Variants in MORN5 observed in about 807,000 individuals in gnomAD.
MORN5 encodes the protein MORN repeat containing 5.
Under a neutral mutation model 22.1 loss-of-function variants are expected in MORN5, and 21 were observed. That is an observed-to-expected ratio of 0.95 (90% CI 0.67 to 1.37). The LOEUF is 1.37. MORN5 is among the 40% of genes most tolerant of loss of function. The probability of loss-of-function intolerance (pLI) is 0.00; values close to 1 mark genes in which losing one functional copy is unlikely to be tolerated. For synonymous variants in MORN5, 73 were observed against 74.0 expected, an observed-to-expected ratio of 0.99 and a Z score of 0.07; for missense variants, 211 against 215.1, an observed-to-expected ratio of 0.98 and a Z score of 0.12.
chr9:122,187,505 G>C (rs772362860), intron 4 of MORN5, among the ~76,000 whole-genome samples: 4 of 152,134 alleles, frequency 2.6e-5, no homozygotes, highest in Non-Finnish European at 4.4e-5. Context: ...ATCAGACCCA[G>C]GGCCTGGCCC....
chr9:122,161,541 A>G (rs561269290), intron 1 of MORN5, among the ~76,000 whole-genome samples: 29 of 152,334 alleles, frequency 1.9e-4, no homozygotes, highest in South Asian at 2.1e-4. Context: ...CTGGCCCACC[A>G]TTATGGATAC....
chr9:122,160,274 T>C (rs1018777199), intron 1 of MORN5, among the ~76,000 whole-genome samples: 4 of 152,232 alleles, frequency 2.6e-5, no homozygotes, highest in Non-Finnish European at 4.4e-5. Context: ...ATTTAAAATG[T>C]CAAGATCCTT....
chr9:122,169,855 G>A, intron 3 of MORN5, 99 bp downstream of exon 3: 1 of 881,046 alleles, frequency 1.1e-6, no homozygotes, highest in South Asian at 1.4e-5. Context: ...AACTTAAAGG[G>A]GAAGAGGAAC....
chr9:122,179,164 T>C (rs748875900), intron 4 of MORN5, among the ~76,000 whole-genome samples: 8 of 151,988 alleles, frequency 5.3e-5, no homozygotes, highest in Non-Finnish European at 1.2e-4. Flanking sequence ...GGAGAAGACA[T>C]GTCATAAATA....
intron 4 of MORN5, among the ~76,000 whole-genome samples, chr9:122,179,333 A>G (rs1204973146): frequency 6.6e-6 from 1 of 152,362 alleles, no homozygotes; most frequent in East Asian, 1.9e-4. Context: ...CAGGTAACAT[A>G]GTAACTCATT....
rs775362837 is a variant in MORN5 at position 122,169,712 on chromosome 9, A to G, written c.263A>G (p.Asp88Gly). Residue 88 changes from aspartate (D) to glycine (G), a missense_variant, in exon 3 of 5, where the codon GAT becomes GGT. Physicochemically the swap from Asp to Gly is moderately conservative, Grantham distance 94. Transcript: ENST00000373764. ...EKNWHYCDGYDRRFYTEILNG... is the reference protein window; with the variant it reads ...EKNWHYCDGYGRRFYTEILNG... ...AACTGGCATTACTGCGACGGCTATG[A>G]TCGGAGGTTTTACACAGAGATCCTC... The G allele has an allele frequency of 2.5e-6, 4 of 1,614,000 alleles. No homozygotes were observed. The South Asian group carries it at 3.3e-5, about 13-fold the overall frequency.
At chr9:122,194,968 T>A (rs4837945) in intron 4 of MORN5, among the ~76,000 whole-genome samples, 1 of 150,954 alleles carries the variant, frequency 6.6e-6, no homozygotes, top group Non-Finnish European at 1.5e-5. Flanking sequence ...TGCAGTGAGC[T>A]GAGATCGCGC....
chr9:122,172,811 T>A (rs1829385050), intron 3 of MORN5, among the ~76,000 whole-genome samples: 1 of 152,196 alleles, frequency 6.6e-6, no homozygotes, highest in East Asian at 1.9e-4. Flanking sequence ...GGGTGAAGTA[T>A]GTGCTTAGGG....
chr9:122,194,724 T>TA (rs2118788537), intron 4 of MORN5, among the ~76,000 whole-genome samples: 1 of 151,976 alleles, frequency 6.6e-6, no homozygotes, highest in East Asian at 1.9e-4. Flanking sequence ...AAACATTATA[T>TA]AAAAAAATAT....
At chr9:122,186,278 T>G (rs952205075) in intron 4 of MORN5, among the ~76,000 whole-genome samples, 1 of 152,148 alleles carries the variant, frequency 6.6e-6, no homozygotes, top group Non-Finnish European at 1.5e-5. Context: ...AGTAAGTTAT[T>G]TACTGACAAT....
intron 3 of MORN5, among the ~76,000 whole-genome samples, chr9:122,173,239 C>G (rs371302594): frequency 6.6e-6 from 1 of 152,212 alleles, no homozygotes. Flanking sequence ...CCTTGTCACT[C>G]CACACTTTGC....
At chr9:122,160,098 C>A in intron 1 of MORN5, 79 bp downstream of exon 1, 1 of 1,324,800 alleles carries the variant, frequency 7.5e-7, no homozygotes, top group Non-Finnish European at 1.1e-6. Context: ...TTCTGCGAAA[C>A]ACCTTGTGCC....
intron 1 of MORN5, among the ~76,000 whole-genome samples, chr9:122,160,383 A>G (rs1326462145): frequency 6.6e-6 from 1 of 152,182 alleles, no homozygotes; most frequent in African/African-American, 2.4e-5. Context: ...AAAAACAAAC[A>G]CGAAGATTAG....
intron 4 of MORN5, among the ~76,000 whole-genome samples, chr9:122,177,289 A>G (rs1829466589): frequency 2.0e-5 from 3 of 152,242 alleles, no homozygotes; most frequent in Admixed American, 6.5e-5. Flanking sequence ...AACAACAAAG[A>G]CAACAGAAAG....
chr9:122,164,228 A>G (rs969551670), intron 1 of MORN5, among the ~76,000 whole-genome samples: 1 of 148,804 alleles, frequency 6.7e-6, no homozygotes, highest in African/African-American at 2.6e-5. Context: ...AGAGAGAGAG[A>G]GAGTGAAGGA....
At chr9:122,178,609 T>G (rs978352399) in intron 4 of MORN5, among the ~76,000 whole-genome samples, 3 of 152,250 alleles carry the variant, frequency 2.0e-5, no homozygotes, top group Non-Finnish European at 4.4e-5. Context: ...TAGTTCTCTT[T>G]CTGTAACTGG....
At chr9:122,169,009 C>T (rs796458706) in intron 2 of MORN5, among the ~76,000 whole-genome samples, 4 of 152,156 alleles carry the variant, frequency 2.6e-5, no homozygotes, top group African/African-American at 7.2e-5. Context: ...GCCTGAGAAC[C>T]AGGAATGCTG....
Position 122,166,761 on chromosome 9 carries a change from T to G in MORN5, c.48-7T>G, listed in dbSNP as rs780906913. On this transcript the variant is annotated splice_region_variant and splice_polypyrimidine_tract_variant and intron_variant, in intron 1 of 4. Coordinates refer to ENST00000373764, the MANE Select transcript of MORN5 (RefSeq NM_198469.4). ...CAGGGCTCAGTGATTTCCCTGTGTC[T>G]TTACAGGATGGAGGGCAAAGCCAAG... 1.1e-5 allele frequency: 18 copies of G among 1,611,774 alleles called. No individual in the cohort carries two copies. The Admixed American group carries it at 3.0e-4, about 27-fold the overall frequency.
At chr9:122,195,728 C>T (rs1408542261) in intron 4 of MORN5, among the ~76,000 whole-genome samples, 2 of 152,144 alleles carry the variant, frequency 1.3e-5, no homozygotes, top group Non-Finnish European at 2.9e-5. Context: ...GTTACTTTCC[C>T]CTGCTCCCTT....
Sources: gnomAD v4.1 joint callset for allele counts (sites outside exome capture counted in the v4.1 genomes callset) on GRCh38, gnomAD v4.1.1 for gene constraint, MANE v1.5 for transcripts, NCBI Gene and HGNC (gene_info 2026-07-23, HGNC 2026-07-21) for gene names.